Variants in CTIF observed in about 807,000 individuals in gnomAD.
CTIF encodes the protein cap binding complex dependent translation initiation factor, also known as CBP80/20-dependent translation initiation factor.
In CTIF, 21 loss-of-function variants were observed where a neutral mutation model predicts 66.0. That is an observed-to-expected ratio of 0.32 (90% confidence interval 0.23 to 0.46). The LOEUF (loss-of-function observed/expected upper bound fraction) is 0.46. Among genes scored for constraint, CTIF ranks in the 20% least tolerant of loss-of-function variants. CTIF has a pLI of 1.00. For missense variants in CTIF, 739 were observed against 812.7 expected, an observed-to-expected ratio of 0.91 and a Z score of 1.10; for synonymous variants, 345 against 326.4, an observed-to-expected ratio of 1.06 and a Z score of -0.62.
chr18:48,777,121 TC>T (rs1372597093), intron 9 of CTIF, among the ~76,000 whole-genome samples: 1 of 152,214 alleles, frequency 6.6e-6, no homozygotes, highest in Non-Finnish European at 1.5e-5. Context: ...GCAGGACCCA[TC>T]CCCAACTCTC....
At chr18:48,624,136 G>A (rs186254137) in intron 2 of CTIF, among the ~76,000 whole-genome samples, 3 of 70,452 alleles carry the variant, frequency 4.3e-5, no homozygotes, top group Non-Finnish European at 8.5e-5. Context: ...TTGACACCAC[G>A]CCCCTCCCCA....
chr18:48,546,614 C>T (rs919689597), intron 1 of CTIF, among the ~76,000 whole-genome samples: 11 of 152,088 alleles, frequency 7.2e-5, no homozygotes, highest in East Asian at 1.9e-4. Context: ...AGCTGAGGCT[C>T]GTCTAGGCCT....
intron 6 of CTIF, among the ~76,000 whole-genome samples, chr18:48,709,563 C>T (rs1342243291): frequency 1.3e-5 from 2 of 152,226 alleles, no homozygotes; most frequent in African/African-American, 2.4e-5. Flanking sequence ...GATCCTAGTC[C>T]CTGCCGCCGC....
At position 48,563,269 on chromosome 18, in the gene CTIF, TG is replaced by T. The variant is rs539882997; in HGVS notation, c.-29+23961del. On this transcript the variant is annotated intron_variant, in intron 1 of 11. Coordinates refer to ENST00000256413, the MANE Select transcript of CTIF (RefSeq NM_014772.3). The stretch of plus-strand genomic sequence containing the variant: ...AAACTGTACTAGGAGCAGGAAAGGC[TG>T]GGGTGACTCACTTTCCTGCCAGTGA... Among the ~76,000 whole-genome samples the T allele has an allele frequency of 3.0e-3, 460 of 152,286 alleles. 1 individual carries two copies. Among genetic ancestry groups the T allele is most frequent in the Non-Finnish European group, 4.5e-3 (305 of 68,024 alleles).
intron 9 of CTIF, among the ~76,000 whole-genome samples, chr18:48,816,063 T>C (rs1161518162): frequency 6.6e-6 from 1 of 152,196 alleles, no homozygotes; most frequent in Non-Finnish European, 1.5e-5. Context: ...TAAGCGTGCA[T>C]GTAGATGGTG....
intron 9 of CTIF, among the ~76,000 whole-genome samples, chr18:48,809,832 AAAT>A (rs1478770831): frequency 6.6e-6 from 1 of 151,922 alleles, no homozygotes; most frequent in Non-Finnish European, 1.5e-5. Flanking sequence ...ATAGAGTTAT[AAAT>A]AATTTTATTA....
chr18:48,806,854 A>G (rs776078854), intron 9 of CTIF, among the ~76,000 whole-genome samples: 8 of 152,208 alleles, frequency 5.3e-5, no homozygotes, highest in Non-Finnish European at 1.2e-4. Context: ...CCGGTGCAGG[A>G]AATAGCAGTA....
At chr18:48,679,894 A>G (rs1034734134) in intron 6 of CTIF, among the ~76,000 whole-genome samples, 6 of 152,204 alleles carry the variant, frequency 3.9e-5, no homozygotes, top group Non-Finnish European at 5.9e-5. Flanking sequence ...TATGGGGAGA[A>G]AGAGAATTAT....
At chr18:48,828,212 C>T (rs776435101) in intron 10 of CTIF, among the ~76,000 whole-genome samples, 9 of 152,134 alleles carry the variant, frequency 5.9e-5, no homozygotes, top group Non-Finnish European at 8.8e-5. Flanking sequence ...CAAGCCAGAA[C>T]CGTTTTTAAA....
intron 9 of CTIF, among the ~76,000 whole-genome samples, chr18:48,770,121 C>T (rs770364513): frequency 2.0e-5 from 3 of 152,148 alleles, no homozygotes; most frequent in East Asian, 1.9e-4. Context: ...TGAAAATAAG[C>T]GAGGAAAGAA....
At position 48,735,310 on chromosome 18, in the gene CTIF, A is replaced by C. The variant is rs563065622; in HGVS notation, c.585-22609A>C. Among the ~76,000 whole-genome samples the C allele has an allele frequency of 7.9e-5, 12 of 152,308 alleles. No individual in the cohort carries two copies. The South Asian group carries it at 2.5e-3, about 32-fold the overall frequency. On this transcript the variant is annotated intron_variant, in intron 7 of 11. Transcript: ENST00000256413. Reference sequence around the variant, plus strand: ...CAAAGGCCCAGAGGTAGGAGCAGAGAACACTGTTAGGAAAGAGGCCAAGCC... The same window carrying C: ...CAAAGGCCCAGAGGTAGGAGCAGAGCACACTGTTAGGAAAGAGGCCAAGCC...
chr18:48,793,946 G>A (rs963483052), intron 9 of CTIF, among the ~76,000 whole-genome samples: 2 of 152,136 alleles, frequency 1.3e-5, no homozygotes, highest in East Asian at 1.9e-4. Flanking sequence ...ACCCATGCCC[G>A]CACAGTGCTG....
In CTIF at chr18:48,580,542, T is replaced by A. The variant is rs141889901; in HGVS notation, c.-28-38996T>A. The stretch of plus-strand genomic sequence containing the variant: ...CCTCACCTGTGTTGCTTTCTACACA[T>A]CCTGAAGTTTAACTTAACCTGGACA... On this transcript the variant is annotated intron_variant, in intron 1 of 11. Transcript: ENST00000256413. Among the ~76,000 whole-genome samples, 14 of 152,304 alleles carry A rather than the reference T, an allele frequency of 9.2e-5. No individual in the cohort carries two copies. In the East Asian group the frequency reaches 2.7e-3, roughly 29 times the overall value.
chr18:48,745,984 A>G (rs1013464580), intron 7 of CTIF, among the ~76,000 whole-genome samples: 7 of 152,252 alleles, frequency 4.6e-5, no homozygotes, highest in Non-Finnish European at 1.0e-4. Context: ...ACAGCCCTTC[A>G]GGGACAAGCG....
chr18:48,579,424 G>A (rs1402324384), intron 1 of CTIF, among the ~76,000 whole-genome samples: 1 of 152,218 alleles, frequency 6.6e-6, no homozygotes, highest in Non-Finnish European at 1.5e-5. Context: ...GGGATGACAG[G>A]TGTGAGCCAC....
At chr18:48,540,790 C>T (rs2088592493) in intron 1 of CTIF, among the ~76,000 whole-genome samples, 1 of 152,126 alleles carries the variant, frequency 6.6e-6, no homozygotes, top group Non-Finnish European at 1.5e-5. Context: ...CCCCGATCCT[C>T]CGCGCGACCT....
chr18:48,619,413 T>C, intron 1 of CTIF, 125 bp from the exon 2 acceptor site: 1 of 613,694 alleles, frequency 1.6e-6, no homozygotes, highest in Middle Eastern at 4.5e-4. Context: ...TCAGGGTTGT[T>C]GGAAGAACAG....
chr18:48,664,745 C>G (rs943105549), intron 5 of CTIF, among the ~76,000 whole-genome samples, 194 bp downstream of exon 5: 2 of 151,690 alleles, frequency 1.3e-5, no homozygotes, highest in African/African-American at 4.8e-5. Context: ...CTGCCCAGCC[C>G]CCTCTAGCCA....
At position 48,707,291 on chromosome 18, in the gene CTIF, G is replaced by T. The variant is rs189133658; in HGVS notation, c.508-4328G>T. Reference sequence around the variant, plus strand: ...TATCCTTTTTAAAAAGCAAGGAGAGGTCTTTGGTCTAAAGCCAGAATACTA... The same window carrying T: ...TATCCTTTTTAAAAAGCAAGGAGAGTTCTTTGGTCTAAAGCCAGAATACTA... On this transcript the variant is annotated intron_variant, in intron 6 of 11. Coordinates refer to ENST00000256413, the MANE Select transcript of CTIF (RefSeq NM_014772.3). Among the ~76,000 whole-genome samples the T allele has an allele frequency of 1.6e-3, 244 of 152,326 alleles. 1 individual carries two copies. The highest frequency in any genetic ancestry group is 6.8e-4 in the Non-Finnish European group (46 of 68,024).
Sources: allele counts gnomAD v4.1 joint callset (sites outside exome capture counted in the v4.1 genomes callset), GRCh38; gene constraint gnomAD v4.1.1; transcripts MANE v1.5; gene names NCBI Gene and HGNC (gene_info 2026-07-23, HGNC 2026-07-21).